Variants in AK5 observed in about 807,000 individuals in gnomAD.
AK5 encodes adenylate kinase isoenzyme 5.
AK5 carries 27 observed loss-of-function variants against 69.5 expected under a neutral mutation model. The observed-to-expected ratio is 0.39, with a 90% CI of 0.29 to 0.54. The LOEUF is 0.54. AK5 is among the 20% of genes least tolerant of loss of function. The pLI is 0.71. For missense variants in AK5, 531 were observed against 700.4 expected (o/e 0.76, Z 2.73); for synonymous variants, 260 against 244.4 (o/e 1.06, Z -0.60).
chr1:77,297,810 T>G (rs1363982358), intron 4 of AK5, 24 bp from the exon 5 acceptor site: 22 of 1,606,132 alleles, frequency 1.4e-5, no homozygotes, highest in Non-Finnish European at 1.9e-5. Context: ...GGGGTTTTTT[T>G]GTCATCCTTT....
At chr1:77,508,583 C>T (rs945065567) in intron 10 of AK5, among the ~76,000 whole-genome samples, 5 of 152,144 alleles carry the variant, frequency 3.3e-5, no homozygotes, top group Admixed American at 2.6e-4. Context: ...AAGTTTGGGG[C>T]AGGCTGGGCA....
chr1:77,475,193 ATATGTGTGTG>A (rs1252996782), intron 8 of AK5, among the ~76,000 whole-genome samples: 17 of 10,286 alleles, frequency 1.7e-3, no homozygotes, highest in African/African-American at 7.1e-3. Flanking sequence ...ATATATATAT[ATATGTGTGTG>A]TGTGTGTGTG....
At chr1:77,344,483 A>T (rs1661812455) in intron 6 of AK5, among the ~76,000 whole-genome samples, 1 of 151,996 alleles carries the variant, frequency 6.6e-6, no homozygotes, top group Non-Finnish European at 1.5e-5. Flanking sequence ...TTGGCAGAAG[A>T]TTTTTCTTGT....
rs182366946 is a variant in AK5, at chr1:77,435,201, C to T, written c.1059+17486C>T. Among the ~76,000 whole-genome samples, 4 of 152,292 alleles carry T rather than the reference C, an allele frequency of 2.6e-5. No individual in the cohort carries two copies. In the East Asian group the frequency reaches 7.7e-4, roughly 29 times the overall value. ...AAGAGCAGAAGGCAGTGTTGTATGA[C>T]CTCAAATCCTGTGCTGCAAGATACA... On this transcript the variant is annotated intron_variant, in intron 8 of 13. Transcript: ENST00000354567.
At chr1:77,475,187 ATATATATATG>A (rs1346436609) in intron 8 of AK5, among the ~76,000 whole-genome samples, 293 of 8,082 alleles carry the variant, frequency 0.036, 4 homozygotes, top group African/African-American at 0.052. Flanking sequence ...ATATATATAT[ATATATATATG>A]TGTGTGTGTG....
chr1:77,404,108 T>C (rs964999413), intron 6 of AK5, among the ~76,000 whole-genome samples: 1 of 152,210 alleles, frequency 6.6e-6, no homozygotes, highest in South Asian at 2.1e-4. Context: ...TTGTCTGTTA[T>C]TGGTGTATAA....
intron 5 of AK5, among the ~76,000 whole-genome samples, chr1:77,329,137 A>C (rs539467155): frequency 6.6e-6 from 1 of 151,776 alleles, no homozygotes; most frequent in African/African-American, 2.4e-5. Context: ...CAGCTTTTCA[A>C]CAGGAAATGG....
intron 6 of AK5, among the ~76,000 whole-genome samples, chr1:77,377,046 T>C (rs529782005): frequency 3.3e-5 from 5 of 152,342 alleles, no homozygotes; most frequent in African/African-American, 1.2e-4. Flanking sequence ...TAAATAAATA[T>C]GACAATAATT....
intron 6 of AK5, among the ~76,000 whole-genome samples, chr1:77,342,220 A>G (rs759653183): frequency 1.3e-5 from 2 of 152,120 alleles, no homozygotes; most frequent in Non-Finnish European, 2.9e-5. Context: ...TAACTTCCAC[A>G]TTGTATCATA....
intron 6 of AK5, among the ~76,000 whole-genome samples, chr1:77,377,429 G>A (rs1487791892): frequency 2.0e-5 from 3 of 152,124 alleles, no homozygotes; most frequent in Admixed American, 6.5e-5. Flanking sequence ...ACCTCTTGAT[G>A]TCTCTTCAGG....
intron 13 of AK5, among the ~76,000 whole-genome samples, chr1:77,549,781 T>C (rs960525555): frequency 1.3e-5 from 2 of 152,222 alleles, no homozygotes; most frequent in Non-Finnish European, 2.9e-5. Flanking sequence ...GATCTCATTC[T>C]TTCTTATAGC....
At chr1:77,326,524 T>TGA (rs1660812753) in intron 5 of AK5, among the ~76,000 whole-genome samples, 1 of 152,168 alleles carries the variant, frequency 6.6e-6, no homozygotes, top group Non-Finnish European at 1.5e-5. Flanking sequence ...GTTTTTAGTC[T>TGA]ATTTTCCATT....
At chr1:77,378,679 T>G (rs181668810) in intron 6 of AK5, among the ~76,000 whole-genome samples, 2 of 152,224 alleles carry the variant, frequency 1.3e-5, no homozygotes, top group Admixed American at 6.5e-5. Context: ...TAAAGCAAGT[T>G]TGGATTAATA....
chr1:77,389,006 A>G (rs568397987), intron 6 of AK5, among the ~76,000 whole-genome samples: 14 of 152,232 alleles, frequency 9.2e-5, no homozygotes, highest in Non-Finnish European at 1.9e-4. Context: ...CTTGTCTGGA[A>G]AAAAGAAGGC....
intron 6 of AK5, among the ~76,000 whole-genome samples, chr1:77,397,146 T>C (rs907336454): frequency 6.6e-6 from 1 of 152,230 alleles, no homozygotes; most frequent in Admixed American, 6.5e-5. Flanking sequence ...ACCCTCATCT[T>C]CTTCAAAGAA....
chr1:77,332,201 A>C (rs1476753983), intron 5 of AK5, among the ~76,000 whole-genome samples: 1 of 151,912 alleles, frequency 6.6e-6, no homozygotes, highest in Non-Finnish European at 1.5e-5. Flanking sequence ...ATATTTAGAG[A>C]TTCATTTATT....
intron 8 of AK5, among the ~76,000 whole-genome samples, chr1:77,455,316 G>A (rs535686974): frequency 2.6e-5 from 4 of 152,266 alleles, no homozygotes; most frequent in South Asian, 2.1e-4. Flanking sequence ...TGATTAGGTC[G>A]TGAGGGCAGA....
intron 10 of AK5, among the ~76,000 whole-genome samples, chr1:77,503,336 A>G (rs180985818): frequency 3.5e-3 from 490 of 140,590 alleles, no homozygotes; most frequent in Non-Finnish European, 5.7e-3. Context: ...TTTAAATTAG[A>G]TATGATAAAC....
chr1:77,288,803 A>T (rs1324966722), intron 2 of AK5, among the ~76,000 whole-genome samples: 1 of 152,206 alleles, frequency 6.6e-6, no homozygotes, highest in Non-Finnish European at 1.5e-5. Flanking sequence ...ACTATAAGGT[A>T]ATAAGATTAG....
Sources: allele counts gnomAD v4.1 joint callset (sites outside exome capture counted in the v4.1 genomes callset), GRCh38; gene constraint gnomAD v4.1.1; transcripts MANE v1.5; gene names NCBI Gene and HGNC (gene_info 2026-07-23, HGNC 2026-07-21).